The following FEM1B variants were observed in gnomAD, a reference collection of about 807,000 sequenced individuals.
FEM1B encodes fem-1 homolog B.
FEM1B carries 10 observed loss-of-function variants against 38.6 expected under a neutral mutation model. The observed-to-expected ratio is 0.26, with a 90% CI of 0.16 to 0.44. The LOEUF is 0.44. Ranked by LOEUF, FEM1B falls within the 20% of genes least tolerant of loss-of-function variation. The pLI is 1.00. For missense variants in FEM1B, 471 were observed against 786.7 expected (o/e 0.60, Z 4.80); for synonymous variants, 288 against 288.0 (o/e 1.00, Z 0.00).
chr15:68,279,025 C>G (rs529881834), intron 1 of FEM1B, among the ~76,000 whole-genome samples: 56 of 152,180 alleles, frequency 3.7e-4, no homozygotes, highest in Non-Finnish European at 7.6e-4. Flanking sequence ...TGTAACTGAT[C>G]AGAAATTAAG....
intron 1 of FEM1B, among the ~76,000 whole-genome samples, chr15:68,286,750 A>G (rs748286036): frequency 1.3e-5 from 2 of 152,144 alleles, no homozygotes; most frequent in Non-Finnish European, 2.9e-5. Context: ...TTTTTTGACA[A>G]TAAATAAATG....
In FEM1B at chr15:68,294,797, TCTCA is replaced by T. The variant is rs1199468014; in HGVS notation, c.*3558_*3561del. Reference sequence around the variant, plus strand: ...GATGCACACATGACTATTCTGTTTTTCTCACTGACTATATAACATTAAAAAGGGG... The same window carrying T: ...GATGCACACATGACTATTCTGTTTTTCTGACTATATAACATTAAAAAGGGG... On this transcript the variant is annotated 3_prime_UTR_variant, in exon 2 of 2. Coordinates refer to ENST00000306917, the MANE Select transcript of FEM1B (RefSeq NM_015322.5). This position sits in a 1 kb window ranked among gnomAD's most constrained non-coding sequence, Gnocchi z 4.4. The T allele has an allele frequency of 2.0e-5, 3 of 152,064 alleles. No homozygotes were observed. The highest frequency in any genetic ancestry group is 7.2e-5 in the African/African-American group (3 of 41,562). 9.4% of individuals were successfully genotyped at this position (152,064 alleles called of 1,614,324 possible).
chr15:68,289,424 A>G lies in FEM1B; in HGVS notation c.249-183A>G. On this transcript the variant is annotated intron_variant, in intron 1 of 1. Transcript: ENST00000306917. This position sits in a 1 kb window ranked among gnomAD's most constrained non-coding sequence, Gnocchi z 6.9. ...TAATAGCTAGCATATATTGAGCTTT[A>G]TATTAGGTACAAGTACTATGCAAAG... is the stretch of plus-strand genomic sequence containing the variant. 1.7e-6 allele frequency: 1 copy of G among 594,176 alleles called. No homozygotes were observed. The highest frequency in any genetic ancestry group is 3.0e-6 in the Non-Finnish European group (1 of 334,586). The allele number at this position is 594,176 out of a possible 1,614,324, so 36.8% of individuals were successfully genotyped here.
rs543441950 is a variant in FEM1B at position 68,278,649 on chromosome 15, A to G, written c.232A>G (p.Thr78Ala). Residue 78 changes from threonine (T) to alanine (A), a missense_variant, in exon 1 of 2, where the codon ACC (threonine) becomes GCC (alanine). By Grantham distance (58) the Thr-to-Ala change is moderately conservative. Coordinates refer to ENST00000306917, the MANE Select transcript of FEM1B (RefSeq NM_015322.5). This position sits in a 1 kb window ranked among gnomAD's most constrained non-coding sequence, Gnocchi z 5.7. ...CCGGGTGCAGACTCAGCAGACTGGC[A>G]CCGTCCGCTTCGACGGGTAGGTACA... ...HYRVQTQQTGTVRFDGYVIDG... is the reference protein window; with the variant it reads ...HYRVQTQQTGAVRFDGYVIDG... 6.2e-7 allele frequency: 1 copy of G among 1,613,872 alleles called. No homozygotes were observed. The highest frequency in any genetic ancestry group is 2.2e-5 in the East Asian group (1 of 44,870).
Position 68,289,426 on chromosome 15 carries a change from A to G in FEM1B, c.249-181A>G. The G allele has an allele frequency of 1.7e-6, 1 of 594,620 alleles. No individual in the cohort carries two copies. Among genetic ancestry groups the G allele is most frequent in the Non-Finnish European group, 3.0e-6 (1 of 334,912 alleles). 36.8% of individuals were successfully genotyped at this position (594,620 alleles called of 1,614,324 possible). A position where few individuals can be genotyped will look rare whatever the true frequency, so the allele number is the denominator to read the frequency against. On this transcript the variant is annotated intron_variant, in intron 1 of 1. Coordinates refer to ENST00000306917, the MANE Select transcript of FEM1B (RefSeq NM_015322.5). The surrounding 1 kb of genome is among the most constrained non-coding windows in gnomAD (Gnocchi z 6.9). Reference sequence around the variant, plus strand: ...ATAGCTAGCATATATTGAGCTTTATATTAGGTACAAGTACTATGCAAAGTG... The same window carrying G: ...ATAGCTAGCATATATTGAGCTTTATGTTAGGTACAAGTACTATGCAAAGTG...
chr15:68,289,943 T>C lies in FEM1B; in HGVS notation c.585T>C (p.Ala195=). The C allele has an allele frequency of 3.7e-6, 6 of 1,614,148 alleles. No homozygotes were observed. The highest frequency in any genetic ancestry group is 5.1e-6 in the Non-Finnish European group (6 of 1,180,008). The part of the protein sequence containing the change: ...HCGATALHFA[A]EAGHIDIVKE... ...GAGCCACAGCATTGCACTTTGCAGC[T>C]GAAGCTGGGCACATAGATATTGTGA... Residue 195 remains alanine, a synonymous_variant, in exon 2 of 2, where the codon GCT becomes GCC. Coordinates refer to ENST00000306917, the MANE Select transcript of FEM1B (RefSeq NM_015322.5). The surrounding 1 kb of genome is among the most constrained non-coding windows in gnomAD (Gnocchi z 6.9).
rs1325509161 is a variant in FEM1B, at chr15:68,291,482, TTGTC to T, written c.*242_*245del. The T allele has an allele frequency of 4.7e-5, 20 of 428,468 alleles. No individual in the cohort carries two copies. Among genetic ancestry groups the T allele is most frequent in the East Asian group, 3.8e-4 (11 of 28,736 alleles). 26.5% of individuals were successfully genotyped at this position (428,468 alleles called of 1,614,324 possible). ...AGGTATTTGCATATTGGTTACCTAT[TTGTC>T]TTTCTTTTTTTTAAAGGAACAGATA... is the stretch of plus-strand genomic sequence containing the variant. On this transcript the variant is annotated 3_prime_UTR_variant, in exon 2 of 2. Transcript: ENST00000306917. This position sits in a 1 kb window ranked among gnomAD's most constrained non-coding sequence, Gnocchi z 6.9.
Position 68,292,256 on chromosome 15 carries a change from T to A in FEM1B, c.*1014T>A, listed in dbSNP as rs904561970. 3 of 152,170 alleles carry A rather than the reference T, an allele frequency of 2.0e-5. No homozygotes were observed. The highest frequency in any genetic ancestry group is 7.2e-5 in the African/African-American group (3 of 41,460). 9.4% of individuals were successfully genotyped at this position (152,170 alleles called of 1,614,324 possible). On this transcript the variant is annotated 3_prime_UTR_variant, in exon 2 of 2. Coordinates refer to ENST00000306917, the MANE Select transcript of FEM1B (RefSeq NM_015322.5). ...CACTTTCTTAGTCTGTGACAAGAAGTAGAAATATCACTAGTGTGGTATAGG... is the reference window on the plus strand; with the variant it reads ...CACTTTCTTAGTCTGTGACAAGAAGAAGAAATATCACTAGTGTGGTATAGG...
chr15:68,291,368 T>G lies in FEM1B; in HGVS notation c.*126T>G. ...CACTACCCTTCCTCCCATCCCATCC[T>G]TCCTTAGTTCTGTATTTGTTTTTCT... is the stretch of plus-strand genomic sequence containing the variant. On this transcript the variant is annotated 3_prime_UTR_variant, in exon 2 of 2. Transcript: ENST00000306917. The surrounding 1 kb of genome is among the most constrained non-coding windows in gnomAD (Gnocchi z 6.9). The G allele has an allele frequency of 1.5e-6, 1 of 674,594 alleles. No homozygotes were observed. Among genetic ancestry groups the G allele is most frequent in the Non-Finnish European group, 2.4e-6 (1 of 409,506 alleles). 41.8% of individuals were successfully genotyped at this position (674,594 alleles called of 1,614,324 possible).
intron 1 of FEM1B, among the ~76,000 whole-genome samples, chr15:68,283,530 AAAG>A (rs1256504516): frequency 1.4e-5 from 2 of 140,324 alleles, no homozygotes; most frequent in East Asian, 2.0e-4. Context: ...AAAAAAAAAA[AAAG>A]GTAGTATGCA....
In FEM1B at chr15:68,289,527, C is replaced by A. The variant is rs977930516; in HGVS notation, c.249-80C>A. 7.4e-6 allele frequency: 7 copies of A among 946,472 alleles called. No homozygotes were observed. In the African/African-American group the frequency reaches 1.1e-4, roughly 15 times the overall value. The allele number at this position is 946,472 out of a possible 1,614,324, so 58.6% of individuals were successfully genotyped here. A position where few individuals can be genotyped will look rare whatever the true frequency, so the allele number is the denominator to read the frequency against. Reference sequence around the variant, plus strand: ...ATGTTCTGGAGAGTGAGGTCTTGGTCGGTGGGAGTGAATACATCCCTTAAA... The same window carrying A: ...ATGTTCTGGAGAGTGAGGTCTTGGTAGGTGGGAGTGAATACATCCCTTAAA... On this transcript the variant is annotated intron_variant, in intron 1 of 1. Coordinates refer to ENST00000306917, the MANE Select transcript of FEM1B (RefSeq NM_015322.5). The surrounding 1 kb of genome is among the most constrained non-coding windows in gnomAD (Gnocchi z 6.9).
At position 68,294,800 on chromosome 15, in the gene FEM1B, CACTG is replaced by C. The variant is rs1342615752; in HGVS notation, c.*3562_*3565del. ...GCACACATGACTATTCTGTTTTTCT[CACTG>C]ACTATATAACATTAAAAAGGGGTTA... On this transcript the variant is annotated 3_prime_UTR_variant, in exon 2 of 2. Coordinates refer to ENST00000306917, the MANE Select transcript of FEM1B (RefSeq NM_015322.5). This position sits in a 1 kb window ranked among gnomAD's most constrained non-coding sequence, Gnocchi z 4.4. The C allele has an allele frequency of 1.3e-5, 2 of 151,878 alleles. No individual in the cohort carries two copies. The highest frequency in any genetic ancestry group is 2.9e-5 in the Non-Finnish European group (2 of 67,856). 9.4% of individuals were successfully genotyped at this position (151,878 alleles called of 1,614,324 possible). A position where few individuals can be genotyped will look rare whatever the true frequency, so the allele number is the denominator to read the frequency against.
In FEM1B at chr15:68,289,628, T is replaced by C; in HGVS notation, c.270T>C (p.Thr90=). The C allele has an allele frequency of 1.2e-6, 2 of 1,614,060 alleles. No homozygotes were observed. Among genetic ancestry groups the C allele is most frequent in the Non-Finnish European group, 1.7e-6 (2 of 1,179,940 alleles). The stretch of plus-strand genomic sequence containing the variant: ...GTAGGTATGTCATTGATGGTGCCAC[T>C]GCTCTTTGGTGTGCAGCTGGAGCAG... ...RFDGYVIDGA[T]ALWCAAGAGH... Residue 90 remains threonine, a synonymous_variant, in exon 2 of 2, where the codon ACT becomes ACC. Transcript: ENST00000306917. This position sits in a 1 kb window ranked among gnomAD's most constrained non-coding sequence, Gnocchi z 6.9.
At position 68,278,322 on chromosome 15, in the gene FEM1B, A is replaced by C; in HGVS notation, c.-96A>C. On this transcript the variant is annotated 5_prime_UTR_variant, in exon 1 of 2. Transcript: ENST00000306917. This position sits in a 1 kb window ranked among gnomAD's most constrained non-coding sequence, Gnocchi z 5.7. ...ACGGCGCCCTGTTGAATGGGCTGTG[A>C]GGGCCCAGGTTTAAAGCGCTGGCGA... 8.2e-4 allele frequency: 1,107 copies of C among 1,342,008 alleles called. No homozygotes were observed. The highest frequency in any genetic ancestry group is 1.3e-3 in the Middle Eastern group (5 of 3,766). 83.1% of individuals were successfully genotyped at this position (1,342,008 alleles called of 1,614,324 possible).
rs998542365 is a variant in FEM1B, at chr15:68,278,161, C to T, written c.-257C>T. ...GATCCCCTCGGTCCAGGGCCGGCGCCTGGGACCTGGCGGGCGGCCCTGACC... is the reference window on the plus strand; with the variant it reads ...GATCCCCTCGGTCCAGGGCCGGCGCTTGGGACCTGGCGGGCGGCCCTGACC... On this transcript the variant is annotated 5_prime_UTR_variant, in exon 1 of 2. Transcript: ENST00000306917. This position sits in a 1 kb window ranked among gnomAD's most constrained non-coding sequence, Gnocchi z 5.7. The T allele has an allele frequency of 2.0e-5, 9 of 440,266 alleles. No individual in the cohort carries two copies. The Admixed American group carries it at 2.3e-4, about 11-fold the overall frequency. 27.3% of individuals were successfully genotyped at this position (440,266 alleles called of 1,614,324 possible). A position where few individuals can be genotyped will look rare whatever the true frequency, so the allele number is the denominator to read the frequency against.
At position 68,278,765 on chromosome 15, in the gene FEM1B, T is replaced by C. The variant is rs1357429068; in HGVS notation, c.248+100T>C. 1.5e-6 allele frequency: 2 copies of C among 1,365,638 alleles called. No homozygotes were observed. The highest frequency in any genetic ancestry group is 4.7e-5 in the East Asian group (2 of 42,466). 84.6% of individuals were successfully genotyped at this position (1,365,638 alleles called of 1,614,324 possible). A position where few individuals can be genotyped will look rare whatever the true frequency, so the allele number is the denominator to read the frequency against. On this transcript the variant is annotated intron_variant, in intron 1 of 1. Transcript: ENST00000306917. The surrounding 1 kb of genome is among the most constrained non-coding windows in gnomAD (Gnocchi z 5.7). ...CTCTCTTACCCTCTCTTCATGTAGGTACTCACTTCTCCCCTTTTTGTACCA... is the reference window on the plus strand; with the variant it reads ...CTCTCTTACCCTCTCTTCATGTAGGCACTCACTTCTCCCCTTTTTGTACCA...
At chr15:68,279,259 A>T (rs1892701507) in intron 1 of FEM1B, among the ~76,000 whole-genome samples, 1 of 151,836 alleles carries the variant, frequency 6.6e-6, no homozygotes, top group Non-Finnish European at 1.5e-5. Context: ...GTGTAGATAT[A>T]TTGGCTACTA....
intron 1 of FEM1B, among the ~76,000 whole-genome samples, chr15:68,283,502 TAAAA>T (rs60432847): frequency 4.2e-5 from 3 of 71,980 alleles, no homozygotes; most frequent in African/African-American, 1.9e-4. Flanking sequence ...CATCTCTACC[TAAAA>T]AAAAAAAAAA....
chr15:68,292,993 C>T lies in FEM1B; in HGVS notation c.*1751C>T, dbSNP rs1055566619. On this transcript the variant is annotated 3_prime_UTR_variant, in exon 2 of 2. Transcript: ENST00000306917. Reference sequence around the variant, plus strand: ...TAAATTCTGTCATGGTAATAGATACCTATTTTCCTAACCTGAGATTTTACA... The same window carrying T: ...TAAATTCTGTCATGGTAATAGATACTTATTTTCCTAACCTGAGATTTTACA... The T allele has an allele frequency of 6.6e-6, 1 of 152,084 alleles. No homozygotes were observed. Among genetic ancestry groups the T allele is most frequent in the African/African-American group, 2.4e-5 (1 of 41,396 alleles). 9.4% of individuals were successfully genotyped at this position (152,084 alleles called of 1,614,324 possible).
Sources: gnomAD v4.1 joint callset for allele counts (sites outside exome capture counted in the v4.1 genomes callset) on GRCh38, gnomAD v4.1.1 for gene constraint, Gnocchi (gnomAD v3.1) non-coding constraint, MANE v1.5 for transcripts, NCBI Gene and HGNC (gene_info 2026-07-23, HGNC 2026-07-21) for gene names.